MMP26: variants seen among roughly 807,000 people sequenced by gnomAD.
The protein encoded by MMP26 is matrix metalloproteinase-26.
In MMP26, 33 loss-of-function variants were observed where a neutral mutation model predicts 31.0. The ratio of observed to expected loss-of-function variants is 1.06; its 90% CI spans 0.81 to 1.42. The LOEUF (loss-of-function observed/expected upper bound fraction) is 1.42, where lower values mean the gene tolerates loss of function less well. Among genes scored for constraint, MMP26 ranks in the 40% most tolerant of loss-of-function variants. The pLI, the probability that MMP26 is intolerant of heterozygous loss-of-function variation, is 0.00. For synonymous variants in MMP26, 122 were observed against 114.9 expected (o/e 1.06, Z -0.40); for missense variants, 347 against 316.1 (o/e 1.10, Z -0.74).
chr11:4,865,623 C>T (rs911663343), intron 2 of MMP26, among the ~76,000 whole-genome samples: 2 of 151,992 alleles, frequency 1.3e-5, no homozygotes, highest in African/African-American at 4.8e-5. Flanking sequence ...TATTTTTGTT[C>T]TTCTTCGCAG....
intron 2 of MMP26, among the ~76,000 whole-genome samples, chr11:4,942,288 T>G (rs999779037): frequency 1.3e-5 from 2 of 151,952 alleles, no homozygotes; most frequent in Non-Finnish European, 2.9e-5. Context: ...TTTGTTTGTT[T>G]ATTATTTATT....
At chr11:4,722,632 C>T (rs571655893) in intron 1 of MMP26, 1 of 632,598 alleles carries the variant, frequency 1.6e-6, no homozygotes, top group East Asian at 2.7e-5. Flanking sequence ...GGCTGAGCCT[C>T]AGGTGGGTCC....
chr11:4,882,608 C>CA, intron 2 of MMP26: 1 of 1,613,902 alleles, frequency 6.2e-7, no homozygotes, highest in Non-Finnish European at 8.5e-7. Flanking sequence ...AAAGAAGCAA[C>CA]AAAAAGCTCT....
At chr11:4,991,895 TA>T in intron 6 of MMP26, 68 bp from the exon 7 acceptor site, 1 of 1,362,410 alleles carries the variant, frequency 7.3e-7, no homozygotes, top group Non-Finnish European at 9.8e-7. Flanking sequence ...TTCTTTGTCC[TA>T]TTTCACACAC....
At chr11:4,709,780 T>C (rs1419035673) in intron 1 of MMP26, 3 of 458,316 alleles carry the variant, frequency 6.5e-6, no homozygotes, top group Non-Finnish European at 1.3e-5. Flanking sequence ...CTATCCTTCA[T>C]GGACCTAGGT....
intron 2 of MMP26, among the ~76,000 whole-genome samples, chr11:4,920,068 C>T (rs1287872424): frequency 6.6e-6 from 1 of 151,896 alleles, no homozygotes; most frequent in Non-Finnish European, 1.5e-5. Flanking sequence ...ATTTTTGGCC[C>T]CTGGGAAAGC....
intron 2 of MMP26, among the ~76,000 whole-genome samples, chr11:4,782,660 G>A (rs1379888598): frequency 6.6e-6 from 1 of 152,172 alleles, no homozygotes; most frequent in Non-Finnish European, 1.5e-5. Flanking sequence ...TGTCTCCAGG[G>A]CATGTCAGAG....
intron 2 of MMP26, among the ~76,000 whole-genome samples, chr11:4,815,626 G>T (rs537121923): frequency 1.3e-4 from 20 of 151,962 alleles, no homozygotes; most frequent in Admixed American, 1.2e-3. Flanking sequence ...TATCATTTAT[G>T]TACTTTTTTT....
chr11:4,992,347 C>CT lies in MMP26; in HGVS notation c.*106dup, dbSNP rs1170231849. The CT allele has an allele frequency of 5.5e-6, 6 of 1,089,716 alleles. No homozygotes were observed. The highest frequency in any genetic ancestry group is 8.0e-6 in the Non-Finnish European group (6 of 753,238). 67.5% of individuals were successfully genotyped at this position (1,089,716 alleles called of 1,614,324 possible). A position where few individuals can be genotyped will look rare whatever the true frequency, so the allele number is the denominator to read the frequency against. ...CCTTGGGGACTGCTAGGATGAAGCC[C>CT]TAAAGAATGCAACCTAGTCAGGTTA... On this transcript the variant is annotated 3_prime_UTR_variant, in exon 8 of 8. Transcript: ENST00000380390.
chr11:4,831,110 T>G (rs925842057), intron 2 of MMP26, among the ~76,000 whole-genome samples: 1 of 152,268 alleles, frequency 6.6e-6, no homozygotes, highest in Non-Finnish European at 1.5e-5. Flanking sequence ...TCCCCTTTCC[T>G]TCACTACTTT....
chr11:4,974,296 T>TG (rs1846706328), intron 2 of MMP26, among the ~76,000 whole-genome samples: 1 of 151,308 alleles, frequency 6.6e-6, no homozygotes, highest in African/African-American at 2.4e-5. Context: ...AAAATTCAGC[T>TG]GAAAAAAAAG....
chr11:4,729,645 T>C (rs889065257), intron 1 of MMP26, among the ~76,000 whole-genome samples: 62 of 152,144 alleles, frequency 4.1e-4, no homozygotes, highest in African/African-American at 1.4e-3. Context: ...AGGGCAAACA[T>C]GTTCAAGATA....
chr11:4,814,351 GTCAA>G (rs368462025), intron 2 of MMP26, among the ~76,000 whole-genome samples: 9 of 152,144 alleles, frequency 5.9e-5, no homozygotes, highest in African/African-American at 2.2e-4. Context: ...CCAAATATCT[GTCAA>G]TCAAAGATTA....
At chr11:4,914,665 G>A in intron 2 of MMP26, 1 of 1,203,700 alleles carries the variant, frequency 8.3e-7, no homozygotes, top group Middle Eastern at 2.0e-4. Context: ...AATTATAAAG[G>A]ATAGGCAAAC....
intron 2 of MMP26, among the ~76,000 whole-genome samples, chr11:4,885,668 A>G (rs1297203581): frequency 6.6e-6 from 1 of 152,128 alleles, no homozygotes; most frequent in African/African-American, 2.4e-5. Context: ...TCATGACTGC[A>G]TATAGCCTAA....
chr11:4,881,122 G>A (rs1453655117), intron 2 of MMP26, among the ~76,000 whole-genome samples: 1 of 152,116 alleles, frequency 6.6e-6, no homozygotes, highest in African/African-American at 2.4e-5. Context: ...GATAAATTTA[G>A]GCACTGAACT....
At chr11:4,979,824 A>G (rs1458469789) in intron 2 of MMP26, among the ~76,000 whole-genome samples, 1 of 152,100 alleles carries the variant, frequency 6.6e-6, no homozygotes, top group Non-Finnish European at 1.5e-5. Flanking sequence ...CATTCATTTG[A>G]TAAATACTTT....
chr11:4,863,297 C>A (rs1850189646), intron 2 of MMP26, among the ~76,000 whole-genome samples: 2 of 151,424 alleles, frequency 1.3e-5, no homozygotes, highest in African/African-American at 4.9e-5. Flanking sequence ...AATTTTCAGA[C>A]CCTTCCTTTC....
chr11:4,798,897 A>T (rs1849144506), intron 2 of MMP26, among the ~76,000 whole-genome samples: 1 of 152,320 alleles, frequency 6.6e-6, no homozygotes, highest in Middle Eastern at 3.4e-3. Flanking sequence ...CCCCTTTTGG[A>T]AAGTACTCTA....
Sources: allele counts gnomAD v4.1 joint callset (sites outside exome capture counted in the v4.1 genomes callset), GRCh38; gene constraint gnomAD v4.1.1; transcripts MANE v1.5; gene names NCBI Gene and HGNC (gene_info 2026-07-23, HGNC 2026-07-21).